Variants in GABRA1 observed in about 807,000 individuals in gnomAD.
GABRA1 encodes the protein gamma-aminobutyric acid type A receptor subunit alpha1.
Under a neutral mutation model 48.9 loss-of-function variants are expected in GABRA1, and 9 were observed. That is an observed-to-expected ratio of 0.18 (90% confidence interval 0.11 to 0.32). The LOEUF is 0.32. Among genes scored for constraint, GABRA1 ranks in the 10% least tolerant of loss-of-function variants. The probability of loss-of-function intolerance (pLI) is 1.00; values close to 1 mark genes in which losing one functional copy is unlikely to be tolerated. For missense variants in GABRA1, 285 were observed against 553.8 expected (o/e 0.51, Z 4.87); for synonymous variants, 210 against 198.7 (o/e 1.06, Z -0.48).
intron 1 of GABRA1, among the ~76,000 whole-genome samples, chr5:161,849,396 A>C (rs1757351199): frequency 6.6e-6 from 1 of 152,214 alleles, no homozygotes; most frequent in Non-Finnish European, 1.5e-5. Context: ...ATTTTAACAT[A>C]ATATTTATCC....
rs185363595 is a variant in GABRA1 at position 161,871,687 on chromosome 5, T to C, written c.256-1430T>C. ...TGCTTAAGAGATATTTGTTGGTGAG[T>C]AAATTCCCTTTATGTATCTATCACA... On this transcript the variant is annotated intron_variant, in intron 4 of 9. Transcript: ENST00000393943. 3.8e-3 allele frequency among the ~76,000 whole-genome samples: 585 copies of C among 152,292 alleles called. 16 individuals are homozygous for C. The highest frequency in any genetic ancestry group is 0.028 in the Admixed American group (433 of 15,282).
At chr5:161,874,016 C>T (rs1754237583) in intron 5 of GABRA1, among the ~76,000 whole-genome samples, 1 of 152,088 alleles carries the variant, frequency 6.6e-6, no homozygotes, top group Non-Finnish European at 1.5e-5. Flanking sequence ...AAGTATTCCT[C>T]ATTTATGAGA....
intron 3 of GABRA1, among the ~76,000 whole-genome samples, chr5:161,857,255 C>CA (rs1224975601): frequency 6.6e-6 from 1 of 150,992 alleles, no homozygotes; most frequent in Non-Finnish European, 1.5e-5. Context: ...CAACATTATG[C>CA]AAAAAACGGG....
At position 161,893,033 on chromosome 5, in the gene GABRA1, T is replaced by A. The variant is rs868001348; in HGVS notation, c.856+1983T>A. Among the ~76,000 whole-genome samples, 1,315 of 139,354 alleles carry A rather than the reference T, an allele frequency of 9.4e-3. 46 individuals are homozygous for A. The highest frequency in any genetic ancestry group is 0.033 in the African/African-American group (1,239 of 37,562). The allele number at this position is 139,354 out of a possible 152,430, so 91.4% of individuals were successfully genotyped here. A position where few individuals can be genotyped will look rare whatever the true frequency, so the allele number is the denominator to read the frequency against. On this transcript the variant is annotated intron_variant, in intron 8 of 9. Transcript: ENST00000393943. ...AAAATAATAATAATAATAATAATAA[T>A]AATAATAATAATAATAAAATAAACA... is the stretch of plus-strand genomic sequence containing the variant.
At chr5:161,849,957 T>A (rs1480848061) in intron 1 of GABRA1, 1 of 152,190 alleles carries the variant, frequency 6.6e-6, no homozygotes, top group Admixed American at 6.5e-5. Context: ...GGTAAAAAGA[T>A]CCCTTTATTC....
intron 5 of GABRA1, 35 bp from the exon 6 acceptor site, chr5:161,875,525 T>C (rs555755562): frequency 2.0e-6 from 3 of 1,519,886 alleles, no homozygotes. Flanking sequence ...ATCTAATCTA[T>C]ATGGCTCTTG....
rs758360317 is a variant in GABRA1 at position 161,873,164 on chromosome 5, G to A, written c.303G>A (p.Arg101=). 1 of 1,613,790 alleles carries A rather than the reference G, an allele frequency of 6.2e-7. No individual in the cohort carries two copies. Among genetic ancestry groups the A allele is most frequent in the African/African-American group, 1.3e-5 (1 of 75,004 alleles). The change falls in exon 5 of 10, where the codon AGG becomes AGA. Residue 101 remains arginine, a synonymous_variant. Transcript: ENST00000393943. ...TCCGTCAAAGCTGGAAGGATGAAAG[G>A]TTAAAATTTAAAGGACCTATGACAG... ...VFFRQSWKDE[R]LKFKGPMTVL... is the part of the protein sequence containing the mutation.
intron 8 of GABRA1, among the ~76,000 whole-genome samples, chr5:161,891,630 G>C (rs1755094696): frequency 6.6e-6 from 1 of 152,020 alleles, no homozygotes; most frequent in Admixed American, 6.6e-5. Flanking sequence ...ATTGTTTAAA[G>C]GGTAAACAAC....
intron 7 of GABRA1, 86 bp from the exon 8 acceptor site, chr5:161,890,812 A>C: frequency 8.1e-7 from 1 of 1,238,878 alleles, no homozygotes; most frequent in Non-Finnish European, 1.2e-6. Context: ...TCTAATTCCC[A>C]GACCTTTGGT....
rs183021996 is a variant in GABRA1, at chr5:161,848,690, G to T, written c.-16+268G>T. The T allele has an allele frequency of 1.9e-4, 48 of 250,884 alleles. 1 individual carries two copies. The East Asian group carries it at 7.1e-3, about 37-fold the overall frequency. The allele number at this position is 250,884 out of a possible 1,614,324, so 15.5% of individuals were successfully genotyped here. A position where few individuals can be genotyped will look rare whatever the true frequency, so the allele number is the denominator to read the frequency against. ...GCATTATTATTATTTTTTTCCCGCT[G>T]TCTTTCTTCTTTTCTTCTCCTCTTT... On this transcript the variant is annotated intron_variant, in intron 1 of 9. Coordinates refer to ENST00000393943, the MANE Select transcript of GABRA1 (RefSeq NM_001127644.2).
chr5:161,860,354 A>T (rs1032729238), intron 3 of GABRA1, among the ~76,000 whole-genome samples: 2 of 151,740 alleles, frequency 1.3e-5, no homozygotes, highest in Middle Eastern at 3.2e-3. Context: ...TGCCTGCCTT[A>T]TTTCACTCAG....
chr5:161,861,353 G>T (rs1351804351), intron 3 of GABRA1, among the ~76,000 whole-genome samples: 1 of 151,760 alleles, frequency 6.6e-6, no homozygotes. Context: ...GAAACCCATT[G>T]CTCCAACAGC....
chr5:161,865,613 T>C lies in GABRA1; in HGVS notation c.188-108T>C, dbSNP rs1442772461. 5 of 885,904 alleles carry C rather than the reference T, an allele frequency of 5.6e-6. No homozygotes were observed. In the East Asian group the frequency reaches 1.2e-4, roughly 21 times the overall value. 54.9% of individuals were successfully genotyped at this position (885,904 alleles called of 1,614,324 possible). A position where few individuals can be genotyped will look rare whatever the true frequency, so the allele number is the denominator to read the frequency against. On this transcript the variant is annotated intron_variant, in intron 3 of 9. Transcript: ENST00000393943. ...CTACACAGTGGACCAATTTTAGAAA[T>C]AGCTAATCAAAGACAATCAATTTCC... is the stretch of plus-strand genomic sequence containing the variant.
intron 3 of GABRA1, 41 bp from the exon 4 acceptor site, chr5:161,865,680 G>T: frequency 2.6e-6 from 4 of 1,518,892 alleles, no homozygotes; most frequent in Non-Finnish European, 3.7e-6. Flanking sequence ...TAATAAGGAC[G>T]GTTGACAGAC....
At chr5:161,879,177 G>A (rs1301978598) in intron 6 of GABRA1, among the ~76,000 whole-genome samples, 1 of 152,108 alleles carries the variant, frequency 6.6e-6, no homozygotes, top group Admixed American at 6.5e-5. Flanking sequence ...GGCACAATCA[G>A]GGCTCACTGC....
intron 9 of GABRA1, 65 bp downstream of exon 9, chr5:161,895,933 T>C (rs1410545218): frequency 7.2e-7 from 1 of 1,389,918 alleles, no homozygotes; most frequent in Non-Finnish European, 1.0e-6. Context: ...TGAAATGAGA[T>C]GTTTTGGCCT....
chr5:161,888,013 C>T (rs1273518467), intron 7 of GABRA1, among the ~76,000 whole-genome samples: 1 of 152,078 alleles, frequency 6.6e-6, no homozygotes, highest in East Asian at 1.9e-4. Flanking sequence ...ATCTTTAATG[C>T]TGTTTTGAAA....
intron 4 of GABRA1, among the ~76,000 whole-genome samples, chr5:161,872,552 G>A (rs1402443122): frequency 1.3e-5 from 2 of 151,944 alleles, no homozygotes; most frequent in African/African-American, 2.4e-5. Context: ...TTAATGTGTA[G>A]GATAATTGAA....
At chr5:161,880,863 G>A (rs1754585262) in intron 6 of GABRA1, among the ~76,000 whole-genome samples, 1 of 152,026 alleles carries the variant, frequency 6.6e-6, no homozygotes, top group South Asian at 2.1e-4. Context: ...ATCTTATCTG[G>A]GGAAAATGTG....
Sources: allele counts gnomAD v4.1 joint callset (sites outside exome capture counted in the v4.1 genomes callset), GRCh38; gene constraint gnomAD v4.1.1; transcripts MANE v1.5; gene names NCBI Gene and HGNC (gene_info 2026-07-23, HGNC 2026-07-21).